Variants in RFX2 observed in about 807,000 individuals in gnomAD.
RFX2 encodes DNA-binding protein RFX2.
In RFX2, 20 loss-of-function variants were observed where a neutral mutation model predicts 87.8. The ratio of observed to expected loss-of-function variants is 0.23; its 90% CI spans 0.16 to 0.33. The LOEUF (loss-of-function observed/expected upper bound fraction) is 0.33. Among genes scored for constraint, RFX2 ranks in the 10% least tolerant of loss-of-function variants. The pLI is 1.00. For synonymous variants in RFX2, 397 were observed against 431.3 expected (o/e 0.92, Z 0.98); for missense variants, 767 against 1,012.3 (o/e 0.76, Z 3.29).
At position 6,024,037 on chromosome 19, in the gene RFX2, C is replaced by T. The variant is rs1333759664; in HGVS notation, c.597+2126G>A. Among the ~76,000 whole-genome samples, 3 of 152,192 alleles carry T rather than the reference C, an allele frequency of 2.0e-5. No homozygotes were observed. The highest frequency in any genetic ancestry group is 4.4e-5 in the Non-Finnish European group (3 of 68,034). On this transcript the variant is annotated intron_variant, in intron 6 of 17. Transcript: ENST00000303657. This position sits in a 1 kb window ranked among gnomAD's most constrained non-coding sequence, Gnocchi z 5.0. ...TCAAGTGGTACACCCGCCTTGGTCT[C>T]CCAAACTGCTGGGATTACAGGCGTG...
At chr19:6,086,693 T>C (rs569493757) in intron 1 of RFX2, among the ~76,000 whole-genome samples, 198 of 152,362 alleles carry the variant, frequency 1.3e-3, no homozygotes, top group African/African-American at 4.6e-3. Context: ...AGATGACTTC[T>C]GTGTCTCCCC....
Position 5,997,002 on chromosome 19 carries a change from C to T in RFX2, c.2013+58G>A, listed in dbSNP as rs766390405. ...TCTCTCTGGGCTGCTCAGAGCACAC[C>T]GCCCTCTCCCCACAGGCCCGGCCAA... On this transcript the variant is annotated intron_variant, in intron 16 of 17. Coordinates refer to ENST00000303657, the MANE Select transcript of RFX2 (RefSeq NM_000635.4). This position sits in a 1 kb window ranked among gnomAD's most constrained non-coding sequence, Gnocchi z 4.2. The T allele has an allele frequency of 5.0e-5, 77 of 1,545,144 alleles. No individual in the cohort carries two copies. Among genetic ancestry groups the T allele is most frequent in the Middle Eastern group, 3.5e-4 (2 of 5,746 alleles).
At chr19:6,055,060 C>A (rs570040576) in intron 1 of RFX2, among the ~76,000 whole-genome samples, 3 of 152,270 alleles carry the variant, frequency 2.0e-5, no homozygotes, top group Non-Finnish European at 4.4e-5. Context: ...AATGGTACTT[C>A]ACAAAGCAAG....
At position 6,012,867 on chromosome 19, in the gene RFX2, G is replaced by T. The variant is rs2144701308; in HGVS notation, c.899+119C>A. ...AGTCTCAGCAGAGGGGGATACCTTG[G>T]CTTTCCCAGGATGCTGGAGACTGGG... On this transcript the variant is annotated intron_variant, in intron 8 of 17. Transcript: ENST00000303657. This position sits in a 1 kb window ranked among gnomAD's most constrained non-coding sequence, Gnocchi z 4.6. 1 of 1,084,234 alleles carries T rather than the reference G, an allele frequency of 9.2e-7. No individual in the cohort carries two copies. The highest frequency in any genetic ancestry group is 1.2e-6 in the Non-Finnish European group (1 of 816,636). 67.2% of individuals were successfully genotyped at this position (1,084,234 alleles called of 1,614,324 possible).
chr19:6,035,086 T>A (rs10411646), intron 5 of RFX2, among the ~76,000 whole-genome samples: 3,013 of 152,238 alleles, frequency 0.02, 96 homozygotes, highest in African/African-American at 0.068. Context: ...ACTAATAAAA[T>A]GAGAAAAGAT....
At position 6,044,407 on chromosome 19, in the gene RFX2, A is replaced by T. The variant is rs941418131; in HGVS notation, c.91-125T>A. 9 of 575,434 alleles carry T rather than the reference A, an allele frequency of 1.6e-5. No homozygotes were observed. The highest frequency in any genetic ancestry group is 1.6e-4 in the African/African-American group (8 of 51,234). The allele number at this position is 575,434 out of a possible 1,614,324, so 35.6% of individuals were successfully genotyped here. A position where few individuals can be genotyped will look rare whatever the true frequency, so the allele number is the denominator to read the frequency against. ...TATTAAAACATAGGCAGGACTGATC[A>T]GAGGCGACGGCGGGGTGATGGTCAG... On this transcript the variant is annotated intron_variant, in intron 2 of 17. Transcript: ENST00000303657. The surrounding 1 kb of genome is among the most constrained non-coding windows in gnomAD (Gnocchi z 5.3).
At position 5,999,718 on chromosome 19, in the gene RFX2, A is replaced by G. The variant is rs112664604; in HGVS notation, c.1859+2097T>C. 8.5e-4 allele frequency among the ~76,000 whole-genome samples: 129 copies of G among 152,280 alleles called. No homozygotes were observed. The highest frequency in any genetic ancestry group is 3.0e-3 in the African/African-American group (125 of 41,570). On this transcript the variant is annotated intron_variant, in intron 15 of 17. Transcript: ENST00000303657. This position sits in a 1 kb window ranked among gnomAD's most constrained non-coding sequence, Gnocchi z 4.1. The stretch of plus-strand genomic sequence containing the variant: ...CAGACAACAGACAAGTGAACAGATG[A>G]CAGGTGACGGTCAATGCCAGGAGAA...
intron 1 of RFX2, among the ~76,000 whole-genome samples, chr19:6,082,110 TAAAACA>T (rs1230719365): frequency 1.3e-5 from 2 of 151,064 alleles, no homozygotes; most frequent in Admixed American, 6.6e-5. Flanking sequence ...CAAAACAAAA[TAAAACA>T]AAAACAAAAA....
rs777194658 is a variant in RFX2, at chr19:6,004,154, C to T, written c.1500+47G>A. On this transcript the variant is annotated intron_variant, in intron 13 of 17. Coordinates refer to ENST00000303657, the MANE Select transcript of RFX2 (RefSeq NM_000635.4). This position sits in a 1 kb window ranked among gnomAD's most constrained non-coding sequence, Gnocchi z 4.8. ...GTCCTCATGCTGTCCTGGACTGGAG[C>T]CCCTCCCAGCCATCGTTGGGGAGCC... 7.1e-7 allele frequency: 1 copy of T among 1,401,810 alleles called. No individual in the cohort carries two copies. The highest frequency in any genetic ancestry group is 2.3e-5 in the East Asian group (1 of 43,836). 86.8% of individuals were successfully genotyped at this position (1,401,810 alleles called of 1,614,324 possible).
intron 1 of RFX2, among the ~76,000 whole-genome samples, chr19:6,087,791 C>T (rs1568191802): frequency 6.6e-6 from 1 of 152,164 alleles, no homozygotes; most frequent in East Asian, 1.9e-4. Flanking sequence ...GACAGCTAAA[C>T]AGAAATTATT....
intron 2 of RFX2, among the ~76,000 whole-genome samples, chr19:6,046,479 G>A (rs1356177933): frequency 1.3e-4 from 19 of 151,270 alleles, no homozygotes; most frequent in Non-Finnish European, 1.5e-5. Flanking sequence ...TACTCGGGAG[G>A]CTAAGACAGG....
rs892871327 is a variant in RFX2, at chr19:6,020,673, C to T, written c.598-4402G>A. On this transcript the variant is annotated intron_variant, in intron 6 of 17. Coordinates refer to ENST00000303657, the MANE Select transcript of RFX2 (RefSeq NM_000635.4). The surrounding 1 kb of genome is among the most constrained non-coding windows in gnomAD (Gnocchi z 5.3). ...GGTCCAGCCGCTCCAACCACACTCG[C>T]CCACCTCCCCTGCTCTTGAGGGCTC... Among the ~76,000 whole-genome samples the T allele has an allele frequency of 4.6e-5, 7 of 152,228 alleles. No individual in the cohort carries two copies. Among genetic ancestry groups the T allele is most frequent in the Admixed American group, 1.3e-4 (2 of 15,290 alleles).
At position 6,040,355 on chromosome 19, in the gene RFX2, C is replaced by T. The variant is rs1046689234; in HGVS notation, c.261-114G>A. The T allele has an allele frequency of 8.9e-7, 1 of 1,121,454 alleles. No individual in the cohort carries two copies. The highest frequency in any genetic ancestry group is 1.6e-5 in the African/African-American group (1 of 63,800). The allele number at this position is 1,121,454 out of a possible 1,614,324, so 69.5% of individuals were successfully genotyped here. A position where few individuals can be genotyped will look rare whatever the true frequency, so the allele number is the denominator to read the frequency against. Reference sequence around the variant, plus strand: ...AAAGCTGCAACCCAGAGAGGCCAGACATATGGAGCAATTCGGACGTGGCAT... The same window carrying T: ...AAAGCTGCAACCCAGAGAGGCCAGATATATGGAGCAATTCGGACGTGGCAT... On this transcript the variant is annotated intron_variant, in intron 4 of 17. Transcript: ENST00000303657. This position sits in a 1 kb window ranked among gnomAD's most constrained non-coding sequence, Gnocchi z 6.1.
At position 6,002,753 on chromosome 19, in the gene RFX2, C is replaced by T. The variant is rs1321249455; in HGVS notation, c.1618G>A (p.Asp540Asn). The T allele has an allele frequency of 1.9e-6, 3 of 1,613,942 alleles. No homozygotes were observed. Among genetic ancestry groups the T allele is most frequent in the Non-Finnish European group, 2.5e-6 (3 of 1,179,966 alleles). The change falls in exon 14 of 18, where the codon GAC becomes AAC. Residue 540 changes from aspartate (D) to asparagine (N), a missense_variant. Physicochemically the swap from Asp to Asn is conservative, Grantham distance 23. This residue lies in a region of RFX2 where 621 missense variants were observed against 873.0 expected (regional missense o/e 0.71). Transcript: ENST00000303657. This position sits in a 1 kb window ranked among gnomAD's most constrained non-coding sequence, Gnocchi z 6.7. ...NTSQINQMLS[D>N]LNRVDFANVQ... ...TTGGCAAAGTCCACGCGGTTGAGGT[C>T]GCTGAGCATCTGGTTGATCTGGGAC...
At position 6,039,997 on chromosome 19, in the gene RFX2, G is replaced by A. The variant is rs781259835; in HGVS notation, c.505C>T (p.Arg169Cys). The change falls in exon 5 of 18, where the codon CGC becomes TGC. Residue 169 changes from arginine (R) to cysteine (C), a missense_variant. By Grantham distance (180) the Arg-to-Cys change is radical. Coordinates refer to ENST00000303657, the MANE Select transcript of RFX2 (RefSeq NM_000635.4). This position sits in a 1 kb window ranked among gnomAD's most constrained non-coding sequence, Gnocchi z 5.2. ...STRHSLAHTS[R>C]SSPATLEMAI... The stretch of plus-strand genomic sequence containing the variant: ...CTACATACCGTGGCGGGCGATGAGC[G>A]GGAGGTGTGGGCCAGGGAGTGTCTG... 9.4e-6 allele frequency: 15 copies of A among 1,589,694 alleles called. No individual in the cohort carries two copies. The Admixed American group carries it at 1.6e-4, about 17-fold the overall frequency.
At position 6,024,745 on chromosome 19, in the gene RFX2, G is replaced by A. The variant is rs548895477; in HGVS notation, c.597+1418C>T. Among the ~76,000 whole-genome samples, 3 of 151,300 alleles carry A rather than the reference G, an allele frequency of 2.0e-5. No individual in the cohort carries two copies. The highest frequency in any genetic ancestry group is 6.6e-5 in the Admixed American group (1 of 15,206). The stretch of plus-strand genomic sequence containing the variant: ...AGGACGGGAGTGAGGACGGGATCAC[G>A]GTGAGGACGGGAGTGAGGACGGGAT... On this transcript the variant is annotated intron_variant, in intron 6 of 17. Transcript: ENST00000303657. The surrounding 1 kb of genome is among the most constrained non-coding windows in gnomAD (Gnocchi z 5.0).
chr19:6,042,211 C>T (rs1473164970), intron 3 of RFX2, 88 bp from the exon 4 acceptor site: 7 of 1,151,562 alleles, frequency 6.1e-6, no homozygotes, highest in Admixed American at 1.7e-5. Context: ...CTTCTATTGC[C>T]TTTATGAACA....
intron 16 of RFX2, among the ~76,000 whole-genome samples, chr19:5,996,594 G>C (rs942528149): frequency 6.6e-6 from 1 of 152,248 alleles, no homozygotes; most frequent in African/African-American, 2.4e-5. Context: ...TTCCTTTTGG[G>C]GTGACGGAAT....
Position 6,022,647 on chromosome 19 carries a change from C to A in RFX2, c.597+3516G>T, listed in dbSNP as rs190470916. Among the ~76,000 whole-genome samples, 10 of 152,382 alleles carry A rather than the reference C, an allele frequency of 6.6e-5. No individual in the cohort carries two copies. The highest frequency in any genetic ancestry group is 2.2e-4 in the African/African-American group (9 of 41,600). Reference sequence around the variant, plus strand: ...CAGCCCCGGCTCCGTCCCCTTCCCTCTGGAAGAGCTAATCCCCATTTTCAC... The same window carrying A: ...CAGCCCCGGCTCCGTCCCCTTCCCTATGGAAGAGCTAATCCCCATTTTCAC... On this transcript the variant is annotated intron_variant, in intron 6 of 17. Transcript: ENST00000303657. The surrounding 1 kb of genome is among the most constrained non-coding windows in gnomAD (Gnocchi z 6.2).
Sources: allele counts gnomAD v4.1 joint callset (sites outside exome capture counted in the v4.1 genomes callset), GRCh38; gene constraint gnomAD v4.1.1; regional missense constraint gnomAD v4.1.1; non-coding constraint Gnocchi (gnomAD v3.1); transcripts MANE v1.5; gene names NCBI Gene and HGNC (gene_info 2026-07-23, HGNC 2026-07-21).